Variants in MACROD2 observed in about 807,000 individuals in gnomAD.
The protein encoded by MACROD2 is mono-ADP ribosylhydrolase 2, also known as ADP-ribose glycohydrolase MACROD2.
In MACROD2, 36 loss-of-function variants were observed where a neutral mutation model predicts 70.4. The observed-to-expected ratio is 0.51, with a 90% CI of 0.39 to 0.68. The LOEUF (loss-of-function observed/expected upper bound fraction) is 0.68, where lower values mean the gene tolerates loss of function less well. MACROD2 is among the 30% of genes least tolerant of loss of function. MACROD2 has a pLI of 0.00. For missense variants in MACROD2, 496 were observed against 538.4 expected (o/e 0.92, Z 0.78); for synonymous variants, 172 against 178.8 (o/e 0.96, Z 0.30).
intron 8 of MACROD2, among the ~76,000 whole-genome samples, chr20:15,666,132 A>G (rs185340936): frequency 3.3e-5 from 5 of 152,338 alleles, no homozygotes; most frequent in Admixed American, 6.5e-5. Context: ...AGACCTTCAT[A>G]AAATTGGTCC....
At chr20:15,055,637 A>G (rs754769085) in intron 5 of MACROD2, among the ~76,000 whole-genome samples, 1 of 152,088 alleles carries the variant, frequency 6.6e-6, no homozygotes, top group Non-Finnish European at 1.5e-5. Flanking sequence ...TATGAATTTA[A>G]TTTTTGATTA....
intron 2 of MACROD2, among the ~76,000 whole-genome samples, chr20:14,055,538 C>T (rs954205690): frequency 2.4e-4 from 36 of 147,940 alleles, no homozygotes; most frequent in African/African-American, 7.2e-4. Context: ...CATATATATA[C>T]ACATTTGACT....
chr20:15,767,403 T>C (rs1263477573), intron 8 of MACROD2, among the ~76,000 whole-genome samples: 1 of 152,206 alleles, frequency 6.6e-6, no homozygotes, highest in Non-Finnish European at 1.5e-5. Flanking sequence ...TTTATTGCAA[T>C]AATTTCCTGG....
rs142904770 is a variant in MACROD2, at chr20:14,620,679, C to G, written c.302-64164C>G. Among the ~76,000 whole-genome samples the G allele has an allele frequency of 9.4e-4, 143 of 152,090 alleles. 1 individual carries two copies. The highest frequency in any genetic ancestry group is 3.3e-3 in the African/African-American group (135 of 41,500). ...AAGGAGCTGTCTATATTAATTATAG[C>G]TGCAGGATGTGGTTGGGCTGTCAAC... On this transcript the variant is annotated intron_variant, in intron 4 of 17. Transcript: ENST00000684519.
intron 4 of MACROD2, among the ~76,000 whole-genome samples, chr20:14,499,071 G>T (rs1371330436): frequency 1.3e-5 from 2 of 152,212 alleles, no homozygotes; most frequent in Non-Finnish European, 2.9e-5. Flanking sequence ...CCTGTGCTCA[G>T]CAGGGGAGGG....
intron 5 of MACROD2, among the ~76,000 whole-genome samples, chr20:14,806,555 G>T (rs1163736196): frequency 6.6e-6 from 1 of 151,934 alleles, no homozygotes; most frequent in African/African-American, 2.4e-5. Flanking sequence ...TTTTCTTTTT[G>T]TACCCCACTG....
In MACROD2 at chr20:14,795,817, A is replaced by C. The variant is rs969690345; in HGVS notation, c.418+110858A>C. Among the ~76,000 whole-genome samples, 26 of 152,130 alleles carry C rather than the reference A, an allele frequency of 1.7e-4. 1 individual carries two copies. ...TAAAGACTGGAATAGTAGGAGTGAC[A>C]AATAAATTCAGCAGAGAGGTCAGAA... On this transcript the variant is annotated intron_variant, in intron 5 of 17. Transcript: ENST00000684519.
At chr20:15,874,198 G>C (rs1461559192) in intron 9 of MACROD2, among the ~76,000 whole-genome samples, 1 of 151,812 alleles carries the variant, frequency 6.6e-6, no homozygotes, top group Admixed American at 6.6e-5. Context: ...GTTTTGCTGA[G>C]AATGATGGTT....
chr20:16,034,777 T>G (rs1481002698), intron 15 of MACROD2, among the ~76,000 whole-genome samples: 1 of 151,798 alleles, frequency 6.6e-6, no homozygotes, highest in Non-Finnish European at 1.5e-5. Flanking sequence ...CAGTATATAC[T>G]GCACCATATA....
intron 8 of MACROD2, among the ~76,000 whole-genome samples, chr20:15,512,998 G>C (rs1202729668): frequency 6.6e-6 from 1 of 152,154 alleles, no homozygotes; most frequent in Non-Finnish European, 1.5e-5. Flanking sequence ...ATCTCATATG[G>C]TTTTCCCTTG....
intron 3 of MACROD2, among the ~76,000 whole-genome samples, chr20:14,448,677 A>G (rs1172203370): frequency 6.6e-6 from 1 of 151,594 alleles, no homozygotes; most frequent in Non-Finnish European, 1.5e-5. Flanking sequence ...CAGAAAAAAA[A>G]AAGAAAGAAA....
chr20:14,454,426 T>TG (rs201580152), intron 3 of MACROD2, among the ~76,000 whole-genome samples: 2,424 of 151,798 alleles, frequency 0.016, 59 homozygotes, highest in African/African-American at 0.051. Flanking sequence ...GAGTTTTTTT[T>TG]TTTGTTTGTT....
At chr20:15,505,289 C>T (rs572318087) in intron 8 of MACROD2, among the ~76,000 whole-genome samples, 5 of 152,160 alleles carry the variant, frequency 3.3e-5, no homozygotes, top group Admixed American at 1.3e-4. Flanking sequence ...TCCTGCTAGT[C>T]AGGGAATACG....
chr20:15,816,875 G>A (rs138943077), intron 8 of MACROD2, among the ~76,000 whole-genome samples: 40 of 152,270 alleles, frequency 2.6e-4, no homozygotes, highest in Non-Finnish European at 4.6e-4. Flanking sequence ...TAGAAACTCT[G>A]GTAGTGATAA....
intron 5 of MACROD2, among the ~76,000 whole-genome samples, chr20:14,887,909 A>G (rs967476742): frequency 3.3e-5 from 5 of 152,036 alleles, no homozygotes; most frequent in Non-Finnish European, 7.4e-5. Context: ...TTAAACTATA[A>G]AGAAAAATGT....
At chr20:14,371,496 C>CA (rs1053287331) in intron 3 of MACROD2, among the ~76,000 whole-genome samples, 6 of 150,870 alleles carry the variant, frequency 4.0e-5, no homozygotes, top group Non-Finnish European at 7.4e-5. Flanking sequence ...TCTCTAACAA[C>CA]AAAAAAAAGA....
At chr20:14,884,025 A>G (rs2032231192) in intron 5 of MACROD2, among the ~76,000 whole-genome samples, 1 of 152,214 alleles carries the variant, frequency 6.6e-6, no homozygotes, top group African/African-American at 2.4e-5. Context: ...AGTTTGGATC[A>G]GAATTAACTC....
At chr20:15,370,598 G>C (rs546593581) in intron 6 of MACROD2, among the ~76,000 whole-genome samples, 3 of 152,094 alleles carry the variant, frequency 2.0e-5, no homozygotes, top group South Asian at 4.1e-4. Context: ...AAAAAATACG[G>C]TTGATGCAGT....
At chr20:14,989,817 A>C (rs1469129938) in intron 5 of MACROD2, among the ~76,000 whole-genome samples, 1 of 152,038 alleles carries the variant, frequency 6.6e-6, no homozygotes, top group Non-Finnish European at 1.5e-5. Context: ...TTTTTTCAGG[A>C]TCTTATCTAC....
Sources: allele counts gnomAD v4.1 joint callset (sites outside exome capture counted in the v4.1 genomes callset), GRCh38; gene constraint gnomAD v4.1.1; transcripts MANE v1.5; gene names NCBI Gene and HGNC (gene_info 2026-07-23, HGNC 2026-07-21).